The following TMPRSS3 variants were observed in gnomAD, a reference collection of about 807,000 sequenced individuals.
TMPRSS3 encodes transmembrane serine protease 3, also known as transmembrane protease serine 3.
Under a neutral mutation model 59.6 loss-of-function variants are expected in TMPRSS3, and 55 were observed. The ratio of observed to expected loss-of-function variants is 0.92; its 90% confidence interval spans 0.74 to 1.16. The LOEUF (loss-of-function observed/expected upper bound fraction) is 1.16, where lower values mean the gene tolerates loss of function less well. TMPRSS3 is among the 50% of genes most tolerant of loss of function. The probability of loss-of-function intolerance (pLI) is 0.00; values close to 1 mark genes in which losing one functional copy is unlikely to be tolerated. For synonymous variants in TMPRSS3, 257 were observed against 237.7 expected (o/e 1.08, Z -0.75); for missense variants, 596 against 579.4 (o/e 1.03, Z -0.29).
chr21:42,382,949 C>T (rs1247223385), intron 8 of TMPRSS3, 84 bp downstream of exon 8: 3 of 1,552,066 alleles, frequency 1.9e-6, no homozygotes, highest in Non-Finnish European at 2.6e-6. Flanking sequence ...CCCTCTGGAC[C>T]CGCTTCTCAC....
At chr21:42,384,968 T>C (rs149881042) in intron 6 of TMPRSS3, among the ~76,000 whole-genome samples, 1 of 147,032 alleles carries the variant, frequency 6.8e-6, no homozygotes, top group East Asian at 2.0e-4. Context: ...GCTAAAATAC[T>C]TCGTAAACAA....
intron 6 of TMPRSS3, among the ~76,000 whole-genome samples, chr21:42,384,361 G>T (rs753329832): frequency 2.6e-5 from 4 of 152,122 alleles, no homozygotes; most frequent in Non-Finnish European, 5.9e-5. Flanking sequence ...CCACCTCCTG[G>T]CCCCTAGGGA....
rs59669731 is a variant in TMPRSS3 at position 42,387,371 on chromosome 21, A to AGTGTGTGTGTGTGTGTGTGTGT, written c.446+1010_446+1031dup. 5.8e-3 allele frequency among the ~76,000 whole-genome samples: 855 copies of AGTGTGTGTGTGTGTGTGTGTGT among 147,172 alleles called. 11 individuals carry two copies. The highest frequency in any genetic ancestry group is 0.019 in the African/African-American group (758 of 39,440). ...AATGGGGAAGCTCTCAGCTGTGTGC[A>AGTGTGTGTGTGTGTGTGTGTGT]GTGTGTGTGTGTGTGTGTGTGTGTG... On this transcript the variant is annotated intron_variant, in intron 5 of 12. Coordinates refer to ENST00000644384, the MANE Select transcript of TMPRSS3 (RefSeq NM_001256317.3).
At chr21:42,383,785 T>A (rs915289445) in intron 7 of TMPRSS3, 185 bp downstream of exon 7, 1 of 731,124 alleles carries the variant, frequency 1.4e-6, no homozygotes, top group African/African-American at 1.7e-5. Flanking sequence ...ACCTGACAGG[T>A]GAGGCCGACA....
At chr21:42,375,896 G>A (rs370394868) in intron 11 of TMPRSS3, 28 bp from the exon 12 acceptor site, 4 of 1,612,388 alleles carry the variant, frequency 2.5e-6, no homozygotes, top group African/African-American at 2.7e-5. Context: ...AGCAAAGATT[G>A]GGGGACAGTC....
At position 42,372,829 on chromosome 21, in the gene TMPRSS3, G is replaced by A. The variant is rs542281337; in HGVS notation, c.1345-50C>T. 538 of 1,610,102 alleles carry A rather than the reference G, an allele frequency of 3.3e-4. 5 individuals are homozygous for A. The highest frequency in any genetic ancestry group is 1.9e-3 in the East Asian group (87 of 44,854). On this transcript the variant is annotated intron_variant, in intron 12 of 12. Transcript: ENST00000644384. ...TTGTTTTTAGCACTTCCAGCCATCCGTCCAACATGATGACGGAGCGGGCAC... is the reference window on the plus strand; with the variant it reads ...TTGTTTTTAGCACTTCCAGCCATCCATCCAACATGATGACGGAGCGGGCAC...
intron 2 of TMPRSS3, among the ~76,000 whole-genome samples, chr21:42,392,733 C>T (rs548012272): frequency 6.6e-6 from 1 of 152,192 alleles, no homozygotes; most frequent in African/African-American, 2.4e-5. Flanking sequence ...GCCCACCCTT[C>T]GTCTTATACT....
chr21:42,394,118 TC>T (rs1202160727), intron 2 of TMPRSS3, among the ~76,000 whole-genome samples: 7 of 152,172 alleles, frequency 4.6e-5, no homozygotes, highest in Non-Finnish European at 1.0e-4. Context: ...AAATTGTTCT[TC>T]TAATGAACAA....
intron 5 of TMPRSS3, 95 bp from the exon 6 acceptor site, chr21:42,385,629 A>C: frequency 6.7e-7 from 1 of 1,496,942 alleles, no homozygotes; most frequent in Non-Finnish European, 9.2e-7. Flanking sequence ...GGGATTGTAC[A>C]TGGGGGATGT....
chr21:42,389,064 G>A lies in TMPRSS3; in HGVS notation c.206-19C>T, dbSNP rs2052688678. On this transcript the variant is annotated intron_variant, in intron 3 of 12. Coordinates refer to ENST00000644384, the MANE Select transcript of TMPRSS3 (RefSeq NM_001256317.3). Reference sequence around the variant, plus strand: ...AAGTGGACTGGGAAAAGGGAGGAAGGCAGGAATTAACCAACAGCTCTTTCA... The same window carrying A: ...AAGTGGACTGGGAAAAGGGAGGAAGACAGGAATTAACCAACAGCTCTTTCA... The A allele has an allele frequency of 6.2e-7, 1 of 1,613,852 alleles. No homozygotes were observed. Among genetic ancestry groups the A allele is most frequent in the Non-Finnish European group, 8.5e-7 (1 of 1,179,964 alleles).
chr21:42,383,766 G>T (rs935817870), intron 7 of TMPRSS3: 3 of 716,994 alleles, frequency 4.2e-6, no homozygotes, highest in African/African-American at 3.5e-5. Flanking sequence ...TGCTCTGGCT[G>T]TCTCCCCCAC....
intron 10 of TMPRSS3, among the ~76,000 whole-genome samples, chr21:42,377,020 C>T (rs1291694082): frequency 1.3e-5 from 2 of 152,216 alleles, no homozygotes; most frequent in Non-Finnish European, 2.9e-5. Flanking sequence ...CCCAATCAGC[C>T]ATCAGAACAC....
rs768773543 is a variant in TMPRSS3 at position 42,383,816 on chromosome 21, C to T, written c.616+154G>A. 5.0e-6 allele frequency: 4 copies of T among 801,102 alleles called. No homozygotes were observed. In the African/African-American group the frequency reaches 5.1e-5, roughly 10 times the overall value. The allele number at this position is 801,102 out of a possible 1,614,324, so 49.6% of individuals were successfully genotyped here. A position where few individuals can be genotyped will look rare whatever the true frequency, so the allele number is the denominator to read the frequency against. ...CGACAGGTGAGGATGACACTGCTCCCCTCCTCCAGCAGGTAGGGGTACACA... is the reference window on the plus strand; with the variant it reads ...CGACAGGTGAGGATGACACTGCTCCTCTCCTCCAGCAGGTAGGGGTACACA... On this transcript the variant is annotated intron_variant, in intron 7 of 12. Transcript: ENST00000644384.
chr21:42,373,792 C>A (rs150654804), intron 12 of TMPRSS3, among the ~76,000 whole-genome samples: 1 of 152,124 alleles, frequency 6.6e-6, no homozygotes. Context: ...TGGCCCAGGA[C>A]GGTGCTGACA....
intron 2 of TMPRSS3, among the ~76,000 whole-genome samples, chr21:42,393,172 C>T (rs543482064): frequency 6.6e-6 from 1 of 151,682 alleles, no homozygotes; most frequent in Admixed American, 6.6e-5. Context: ...TGAACCCGGG[C>T]GGTTGGAGGT....
At chr21:42,380,016 C>T in intron 10 of TMPRSS3, 101 bp downstream of exon 10, 2 of 978,422 alleles carry the variant, frequency 2.0e-6, no homozygotes, top group South Asian at 1.4e-5. Context: ...GGTATCTGGG[C>T]AGCCCATGGG....
chr21:42,385,501 C>G lies in TMPRSS3; in HGVS notation c.480G>C (p.Ser160=), dbSNP rs376399439. ...ACTCCTCCCGGAACTGCCCCTCCAGCGAGCTCACTCTGAGGTTATCTGAAC... is the reference window on the plus strand; with the variant it reads ...ACTCCTCCCGGAACTGCCCCTCCAGGGAGCTCACTCTGAGGTTATCTGAAC... ...YVSSDNLRVS[S]LEGQFREEFV... is the part of the protein sequence containing the mutation. Residue 160 remains serine, a synonymous_variant, in exon 6 of 13, where the codon TCG becomes TCC. Transcript: ENST00000644384. The G allele has an allele frequency of 3.1e-6, 5 of 1,614,038 alleles. No individual in the cohort carries two copies. In the African/African-American group the frequency reaches 6.7e-5, roughly 22 times the overall value.
chr21:42,378,970 C>T (rs531851607), intron 10 of TMPRSS3, among the ~76,000 whole-genome samples: 3 of 152,218 alleles, frequency 2.0e-5, no homozygotes, highest in East Asian at 1.9e-4. Context: ...CTGCAACCTC[C>T]GCCTCCTAGG....
At chr21:42,384,151 A>G in intron 6 of TMPRSS3, 138 bp from the exon 7 acceptor site, 2 of 632,004 alleles carry the variant, frequency 3.2e-6, no homozygotes, top group South Asian at 1.9e-5. Flanking sequence ...ATTTTAGTCT[A>G]TGTTCAAAAA....
Sources: gnomAD v4.1 joint callset for allele counts (sites outside exome capture counted in the v4.1 genomes callset) on GRCh38, gnomAD v4.1.1 for gene constraint, MANE v1.5 for transcripts, NCBI Gene and HGNC (gene_info 2026-07-23, HGNC 2026-07-21) for gene names.